Variants in IFT88 observed in about 807,000 individuals in gnomAD.
The protein encoded by IFT88 is intraflagellar transport 88.
In IFT88, 74 loss-of-function variants were observed where a neutral mutation model predicts 119.5. That is an observed-to-expected ratio of 0.62 (90% CI 0.51 to 0.75). The LOEUF is 0.75. Ranked by LOEUF, IFT88 falls within the 30% of genes least tolerant of loss-of-function variation. The probability of loss-of-function intolerance (pLI) is 0.00; values close to 1 mark genes in which losing one functional copy is unlikely to be tolerated. For missense variants in IFT88, 961 were observed against 977.7 expected, an observed-to-expected ratio of 0.98 and a Z score of 0.23; for synonymous variants, 279 against 316.7, an observed-to-expected ratio of 0.88 and a Z score of 1.26.
In IFT88 at chr13:20,598,717, C is replaced by T; in HGVS notation, c.661C>T (p.Gln221Ter). 6.2e-7 allele frequency: 1 copy of T among 1,609,612 alleles called. No homozygotes were observed. The highest frequency in any genetic ancestry group is 1.1e-5 in the South Asian group (1 of 90,888). ...EMYAEALNTYQVIVKNKMFSN... is the reference protein window; with the variant it reads ...EMYAEALNTY Reference sequence around the variant, plus strand: ...GTATGCCGAAGCACTTAACACTTATCAAGTTATAGTCAAAAATAAGATGTT... The same window carrying T: ...GTATGCCGAAGCACTTAACACTTATTAAGTTATAGTCAAAAATAAGATGTT... Residue 221 changes from glutamine to a stop codon, truncating the protein, a stop_gained, in exon 10 of 26, where the codon CAA (glutamine) becomes TAA (stop). Coordinates refer to ENST00000351808, the MANE Select transcript of IFT88 (RefSeq NM_006531.5). LOFTEE classifies it high-confidence loss of function.
chr13:20,671,143 GGTTT>G (rs2055787213), intron 24 of IFT88, 104 bp downstream of exon 24: 3 of 868,420 alleles, frequency 3.5e-6, no homozygotes, highest in Non-Finnish European at 5.5e-6. Flanking sequence ...TGTGTCTGTC[GGTTT>G]GTTCTATACA....
intron 23 of IFT88, among the ~76,000 whole-genome samples, chr13:20,669,672 C>T (rs1032966765): frequency 2.0e-5 from 3 of 152,120 alleles, no homozygotes; most frequent in African/African-American, 7.2e-5. Flanking sequence ...AATCCACCCG[C>T]CTCGGCCTCC....
Position 20,685,805 on chromosome 13 carries a change from G to A in IFT88, c.2243-4900G>A, listed in dbSNP as rs370820040. Among the ~76,000 whole-genome samples, 6 of 152,202 alleles carry A rather than the reference G, an allele frequency of 3.9e-5. No homozygotes were observed. The East Asian group carries it at 9.6e-4, about 24-fold the overall frequency. On this transcript the variant is annotated intron_variant, in intron 24 of 25. Transcript: ENST00000351808. Reference sequence around the variant, plus strand: ...TGAAGCAGGAGAATTGTTTGAACCCGGGAGGCAGAGGTTGCAGTGAGCCGA... The same window carrying A: ...TGAAGCAGGAGAATTGTTTGAACCCAGGAGGCAGAGGTTGCAGTGAGCCGA...
chr13:20,657,124 G>A (rs2052953220), intron 22 of IFT88, among the ~76,000 whole-genome samples: 1 of 152,208 alleles, frequency 6.6e-6, no homozygotes, highest in South Asian at 2.1e-4. Flanking sequence ...CCAAAGTGCT[G>A]GGATTACAGG....
rs767023085 is a variant in IFT88 at position 20,663,581 on chromosome 13, A to C, written c.2152A>C (p.Lys718Gln). The change falls in exon 23 of 26, where the codon AAA (lysine) becomes CAA (glutamine). Residue 718 changes from lysine (K) to glutamine (Q), a missense_variant. Physicochemically the swap from Lys to Gln is moderately conservative, Grantham distance 53. Transcript: ENST00000351808. ...EYARKLKRLEKMKEIREQRIK... is the reference protein window; with the variant it reads ...EYARKLKRLEQMKEIREQRIK... ...TGCCAGAAAACTGAAGAGGTTGGAA[A>C]AAATGAAAGAAATAAGGGAACAGGT... The C allele has an allele frequency of 3.1e-6, 5 of 1,613,434 alleles. No individual in the cohort carries two copies. In the South Asian group the frequency reaches 5.5e-5, roughly 18 times the overall value.
chr13:20,598,741 T>C lies in IFT88; in HGVS notation c.685T>C (p.Phe229Leu). 6.3e-7 allele frequency: 1 copy of C among 1,594,200 alleles called. No individual in the cohort carries two copies. The highest frequency in any genetic ancestry group is 8.6e-7 in the Non-Finnish European group (1 of 1,163,082). Residue 229 changes from phenylalanine to leucine, a missense_variant, in exon 10 of 26, where the codon TTT (phenylalanine) becomes CTT (leucine). Coordinates refer to ENST00000351808, the MANE Select transcript of IFT88 (RefSeq NM_006531.5). ...TCAAGTTATAGTCAAAAATAAGATG[T>C]TTAGCAATGCAGGTAAGTGTACATA... ...TYQVIVKNKM[F>L]SNAGILKMNM...
At chr13:20,661,259 G>GGGT (rs2053729625) in intron 22 of IFT88, among the ~76,000 whole-genome samples, 1 of 152,180 alleles carries the variant, frequency 6.6e-6, no homozygotes, top group Admixed American at 6.5e-5. Flanking sequence ...TGGCCTTGAA[G>GGGT]GGTACGGAGG....
chr13:20,644,483 C>CA (rs2050443696), intron 19 of IFT88, among the ~76,000 whole-genome samples: 1 of 151,984 alleles, frequency 6.6e-6, no homozygotes, highest in Non-Finnish European at 1.5e-5. Flanking sequence ...GGCTGGGTGA[C>CA]AGAGCGAGAC....
At chr13:20,596,708 A>G (rs970796147) in intron 8 of IFT88, among the ~76,000 whole-genome samples, 12 of 152,164 alleles carry the variant, frequency 7.9e-5, no homozygotes, top group African/African-American at 2.4e-4. Context: ...TGCTTTGTTC[A>G]TGTTACTTTG....
chr13:20,647,147 TTC>T (rs2050879709), intron 20 of IFT88, among the ~76,000 whole-genome samples: 1 of 152,212 alleles, frequency 6.6e-6, no homozygotes, highest in South Asian at 2.1e-4. Flanking sequence ...TTCCTAACAT[TTC>T]TCTCTACTTT....
Position 20,641,414 on chromosome 13 carries a change from A to AC in IFT88, c.1682+18dup. 3.4e-6 allele frequency: 5 copies of AC among 1,461,898 alleles called. No homozygotes were observed. The highest frequency in any genetic ancestry group is 4.8e-6 in the Non-Finnish European group (5 of 1,047,930). 90.6% of individuals were successfully genotyped at this position (1,461,898 alleles called of 1,614,324 possible). ...TAGCAAATATGTATCTTATTTGAAA[A>AC]CCTTAGGGACAGTTATTAATTCTCT... On this transcript the variant is annotated intron_variant, in intron 18 of 25. Transcript: ENST00000351808.
intron 17 of IFT88, among the ~76,000 whole-genome samples, chr13:20,640,687 TTAAC>T (rs1425909118): frequency 1.1e-4 from 17 of 152,202 alleles, no homozygotes; most frequent in South Asian, 4.1e-4. Flanking sequence ...TTAAATGTCT[TTAAC>T]TAAACTCTAT....
At chr13:20,649,386 G>T (rs372187062) in intron 20 of IFT88, among the ~76,000 whole-genome samples, 3 of 152,264 alleles carry the variant, frequency 2.0e-5, no homozygotes, top group East Asian at 3.9e-4. Context: ...TGGAATTAAA[G>T]AACACACTCT....
At chr13:20,567,801 G>C in intron 1 of IFT88, 2 of 1,333,394 alleles carry the variant, frequency 1.5e-6, no homozygotes, top group Non-Finnish European at 1.9e-6. Context: ...GTTGTCCCAA[G>C]ATTCTTTCTA....
chr13:20,617,382 T>TG (rs2045806644), intron 14 of IFT88, among the ~76,000 whole-genome samples: 1 of 152,080 alleles, frequency 6.6e-6, no homozygotes, highest in Admixed American at 6.5e-5. Context: ...CTGGGGAATG[T>TG]GGAATGTTCC....
chr13:20,669,225 C>G (rs2140956541), intron 23 of IFT88, among the ~76,000 whole-genome samples: 1 of 152,156 alleles, frequency 6.6e-6, no homozygotes, highest in East Asian at 1.9e-4. Flanking sequence ...TGATGAGAGC[C>G]AGAGGACTGG....
chr13:20,689,894 G>A (rs368958980), intron 24 of IFT88, among the ~76,000 whole-genome samples: 3 of 152,206 alleles, frequency 2.0e-5, no homozygotes. Flanking sequence ...AAAAGAGAGG[G>A]ACAAAATAAT....
At chr13:20,676,282 CTT>C (rs1429262491) in intron 24 of IFT88, among the ~76,000 whole-genome samples, 1 of 152,178 alleles carries the variant, frequency 6.6e-6, no homozygotes, top group African/African-American at 2.4e-5. Flanking sequence ...ACTTAAATCT[CTT>C]TGTCACAGTT....
intron 19 of IFT88, 101 bp downstream of exon 19, chr13:20,643,706 T>TA: frequency 1.3e-6 from 1 of 774,812 alleles, no homozygotes; most frequent in Non-Finnish European, 2.1e-6. Flanking sequence ...TTACCAGTTT[T>TA]AAAATGATTT....
Sources: allele counts gnomAD v4.1 joint callset (sites outside exome capture counted in the v4.1 genomes callset), GRCh38; gene constraint gnomAD v4.1.1; transcripts MANE v1.5; gene names NCBI Gene and HGNC (gene_info 2026-07-23, HGNC 2026-07-21).